The following ATRNL1 variants were observed in gnomAD, a reference collection of about 807,000 sequenced individuals.
The protein encoded by ATRNL1 is attractin-like protein 1.
ATRNL1 carries 95 observed loss-of-function variants against 182.7 expected under a neutral mutation model. The observed-to-expected ratio is 0.52, with a 90% CI of 0.44 to 0.62. The LOEUF is 0.62. ATRNL1 is among the 20% of genes least tolerant of loss of function. ATRNL1 has a pLI of 0.00. For missense variants in ATRNL1, 1,471 were observed against 1,679.5 expected (o/e 0.88, Z 2.17); for synonymous variants, 576 against 568.3 (o/e 1.01, Z -0.19).
At chr10:115,582,413 C>T (rs1188169180) in intron 26 of ATRNL1, among the ~76,000 whole-genome samples, 4 of 139,012 alleles carry the variant, frequency 2.9e-5, no homozygotes, top group Non-Finnish European at 6.3e-5. Flanking sequence ...CCTGTTGTTT[C>T]CTGACTTTTT....
chr10:115,470,570 A>G (rs1466348712), intron 24 of ATRNL1, among the ~76,000 whole-genome samples: 1 of 150,618 alleles, frequency 6.6e-6, no homozygotes, highest in Non-Finnish European at 1.5e-5. Flanking sequence ...TGATATGATT[A>G]TATTTTAAAT....
chr10:115,695,359 GAGTTTTATTCTGAAA>G (rs1263075589), intron 26 of ATRNL1, among the ~76,000 whole-genome samples: 1 of 152,016 alleles, frequency 6.6e-6, no homozygotes, highest in Non-Finnish European at 1.5e-5. Flanking sequence ...ATTTTTATAG[GAGTTTTATTCTGAAA>G]AGTATGAAGT....
chr10:115,742,529 T>A (rs1157151685), intron 27 of ATRNL1, among the ~76,000 whole-genome samples: 1 of 152,180 alleles, frequency 6.6e-6, no homozygotes, highest in Non-Finnish European at 1.5e-5. Context: ...ATGTAGAACA[T>A]TTGTTTCAAA....
chr10:115,309,115 G>A (rs1247029463), intron 17 of ATRNL1, among the ~76,000 whole-genome samples: 11 of 151,898 alleles, frequency 7.2e-5, no homozygotes, highest in African/African-American at 2.7e-4. Context: ...ATTTTTCTGT[G>A]TATCCCCATT....
chr10:115,774,768 C>G (rs1349620962), intron 27 of ATRNL1, among the ~76,000 whole-genome samples: 1 of 152,006 alleles, frequency 6.6e-6, no homozygotes, highest in African/African-American at 2.4e-5. Context: ...GACAGAATGC[C>G]CCAGAATATT....
chr10:115,193,824 TG>T lies in ATRNL1; in HGVS notation c.1349-21872del, dbSNP rs766504186. Among the ~76,000 whole-genome samples the T allele has an allele frequency of 6.6e-5, 10 of 152,000 alleles. No homozygotes were observed. In the South Asian group the frequency reaches 1.0e-3, roughly 16 times the overall value. On this transcript the variant is annotated intron_variant, in intron 8 of 28. Coordinates refer to ENST00000355044, the MANE Select transcript of ATRNL1 (RefSeq NM_207303.4). ...ATTTGAAGCTTTTCTATTTTTTTAATGTAAGGATTTATTACTGTAAACTTCC... is the reference window on the plus strand; with the variant it reads ...ATTTGAAGCTTTTCTATTTTTTTAATTAAGGATTTATTACTGTAAACTTCC...
intron 25 of ATRNL1, among the ~76,000 whole-genome samples, chr10:115,547,554 C>T (rs1251269665): frequency 6.6e-6 from 1 of 151,982 alleles, no homozygotes; most frequent in African/African-American, 2.4e-5. Context: ...ACTGAGCTTT[C>T]TCTTTGGGGG....
intron 25 of ATRNL1, among the ~76,000 whole-genome samples, chr10:115,523,316 T>G (rs1851049360): frequency 6.6e-6 from 1 of 152,200 alleles, no homozygotes; most frequent in Non-Finnish European, 1.5e-5. Context: ...CCCAGAAGCC[T>G]GCCAGATTTG....
At chr10:115,293,937 AGGACCT>A (rs1191784558) in intron 15 of ATRNL1, among the ~76,000 whole-genome samples, 4 of 152,196 alleles carry the variant, frequency 2.6e-5, no homozygotes, top group Non-Finnish European at 4.4e-5. Flanking sequence ...TGCATTGTAG[AGGACCT>A]GTATAGGCTG....
At position 115,945,013 on chromosome 10, in the gene ATRNL1, T is replaced by C. The variant is rs1953844358; in HGVS notation, c.*234T>C. 3.1e-6 allele frequency: 1 copy of C among 322,202 alleles called. No individual in the cohort carries two copies. The highest frequency in any genetic ancestry group is 2.1e-5 in the African/African-American group (1 of 46,958). 20.0% of individuals were successfully genotyped at this position (322,202 alleles called of 1,614,324 possible). On this transcript the variant is annotated 3_prime_UTR_variant, in exon 29 of 29. Coordinates refer to ENST00000355044, the MANE Select transcript of ATRNL1 (RefSeq NM_207303.4). ...TTTTACCACTATCTTAGGCTTATTA[T>C]AGCTAACATTAAATTACTCTGGAAA...
chr10:115,384,633 A>G (rs1329153005), intron 19 of ATRNL1, among the ~76,000 whole-genome samples: 1 of 151,654 alleles, frequency 6.6e-6, no homozygotes, highest in African/African-American at 2.4e-5. Context: ...CATGTTATGC[A>G]TTTTTTCTTC....
intron 18 of ATRNL1, among the ~76,000 whole-genome samples, chr10:115,322,383 G>A (rs79123960): frequency 2.6e-5 from 4 of 151,504 alleles, no homozygotes; most frequent in African/African-American, 9.7e-5. Context: ...CAAACCATCA[G>A]GTATCATACC....
At chr10:115,495,115 A>G (rs73371475) in intron 24 of ATRNL1, among the ~76,000 whole-genome samples, 8,078 of 151,572 alleles carry the variant, frequency 0.053, 689 homozygotes, top group African/African-American at 0.18. Flanking sequence ...TAGTTTGTGT[A>G]TATAGAGGTG....
chr10:115,488,482 C>A (rs1347700217), intron 24 of ATRNL1, among the ~76,000 whole-genome samples: 1 of 152,172 alleles, frequency 6.6e-6, no homozygotes, highest in Admixed American at 6.5e-5. Context: ...TTATCCATTT[C>A]TTCTAGATTT....
At chr10:115,921,325 A>C (rs1016286990) in intron 28 of ATRNL1, among the ~76,000 whole-genome samples, 10 of 70,250 alleles carry the variant, frequency 1.4e-4, no homozygotes, top group African/African-American at 3.1e-4. Flanking sequence ...GTATTTAAGC[A>C]GTGTTTTTTT....
intron 1 of ATRNL1, among the ~76,000 whole-genome samples, chr10:115,112,763 G>A (rs1340415917): frequency 1.3e-5 from 2 of 152,056 alleles, no homozygotes; most frequent in Non-Finnish European, 2.9e-5. Context: ...CAATTTGTGA[G>A]GAAAAAATCA....
At chr10:115,873,774 A>T (rs1271616587) in intron 28 of ATRNL1, among the ~76,000 whole-genome samples, 1 of 152,216 alleles carries the variant, frequency 6.6e-6, no homozygotes, top group African/African-American at 2.4e-5. Flanking sequence ...TTATTCAAAG[A>T]CCAATGAGAC....
intron 8 of ATRNL1, among the ~76,000 whole-genome samples, chr10:115,203,785 C>G (rs1256144845): frequency 8.0e-6 from 1 of 125,718 alleles, no homozygotes; most frequent in Non-Finnish European, 1.6e-5. Flanking sequence ...TTAGTAGAGA[C>G]AGGGTTTCAC....
intron 19 of ATRNL1, among the ~76,000 whole-genome samples, chr10:115,380,140 A>G (rs1201822580): frequency 3.5e-4 from 54 of 152,138 alleles, no homozygotes; most frequent in Admixed American, 3.5e-3. Context: ...AACTTTATAT[A>G]TACCTTTATG....
Sources: allele counts gnomAD v4.1 joint callset (sites outside exome capture counted in the v4.1 genomes callset), GRCh38; gene constraint gnomAD v4.1.1; transcripts MANE v1.5; gene names NCBI Gene and HGNC (gene_info 2026-07-23, HGNC 2026-07-21).